The following PLA2G4B variants were observed in gnomAD, a reference collection of about 807,000 sequenced individuals.
PLA2G4B encodes the protein cytosolic phospholipase A2 beta.
PLA2G4B carries 122 observed loss-of-function variants against 95.8 expected under a neutral mutation model. The ratio of observed to expected loss-of-function variants is 1.27; its 90% CI spans 1.10 to 1.48. The LOEUF (loss-of-function observed/expected upper bound fraction) is 1.48, where lower values mean the gene tolerates loss of function less well. PLA2G4B is among the 40% of genes most tolerant of loss of function. The pLI, the probability that PLA2G4B is intolerant of heterozygous loss-of-function variation, is 0.00. For missense variants in PLA2G4B, 1,158 were observed against 996.2 expected (o/e 1.16, Z -2.19); for synonymous variants, 518 against 421.5 (o/e 1.23, Z -2.80).
In PLA2G4B at chr15:41,848,080, C is replaced by CTGTT. The variant is rs906472004; in HGVS notation, c.*222_*225dup. 26 of 624,186 alleles carry CTGTT rather than the reference C, an allele frequency of 4.2e-5. No individual in the cohort carries two copies. The highest frequency in any genetic ancestry group is 1.7e-4 in the African/African-American group (9 of 54,282). The allele number at this position is 624,186 out of a possible 1,614,324, so 38.7% of individuals were successfully genotyped here. On this transcript the variant is annotated 3_prime_UTR_variant, in exon 20 of 20. Transcript: ENST00000458483. ...TCACCCAAAACCCCCCGGCCTGTGC[C>CTGTT]TGTTTTCCCTTCTGCGCTACCTTGA...
intron 2 of PLA2G4B, 68 bp downstream of exon 2, chr15:41,840,298 C>T: frequency 1.3e-6 from 2 of 1,593,954 alleles, no homozygotes; most frequent in Non-Finnish European, 8.5e-7. Context: ...GAGGAGGGTG[C>T]TGTGGCTGGA....
intron 9 of PLA2G4B, 138 bp downstream of exon 9, chr15:41,842,414 C>A: frequency 1.3e-6 from 2 of 1,547,072 alleles, no homozygotes; most frequent in Non-Finnish European, 8.7e-7. Context: ...GGGGAGTGTC[C>A]TCTGAGCATC....
chr15:41,843,218 T>A (rs943874944), intron 10 of PLA2G4B: 1 of 155,840 alleles, frequency 6.4e-6, no homozygotes, highest in Non-Finnish European at 1.4e-5. Context: ...GTAGCTGGGA[T>A]TACAGGTGCC....
At position 41,845,038 on chromosome 15, in the gene PLA2G4B, G is replaced by T; in HGVS notation, c.1207G>T (p.Ala403Ser). 1 of 1,600,146 alleles carries T rather than the reference G, an allele frequency of 6.2e-7. No homozygotes were observed. ...CCCAAGCTGCTTCACCAACCTGTGG[G>T]CCCTCATCAACGAGGCGCTGCTGCA... Reference protein sequence around the residue: ...GYPSCFTNLWALINEALLHDE... With the variant: ...GYPSCFTNLWSLINEALLHDE... Residue 403 changes from alanine to serine, a missense_variant, in exon 13 of 20, where the codon GCC (alanine) becomes TCC (serine). Transcript: ENST00000458483.
chr15:41,844,423 C>T, intron 11 of PLA2G4B, 48 bp from the exon 12 acceptor site: 1 of 1,612,482 alleles, frequency 6.2e-7, no homozygotes, highest in Non-Finnish European at 8.5e-7. Flanking sequence ...GTGACTTGGC[C>T]TTCCCCATCC....
In PLA2G4B at chr15:41,848,136, C is replaced by T. The variant is rs901086682; in HGVS notation, c.*276C>T. The T allele has an allele frequency of 1.2e-5, 7 of 567,688 alleles. No individual in the cohort carries two copies. The highest frequency in any genetic ancestry group is 7.5e-5 in the African/African-American group (4 of 53,174). 35.2% of individuals were successfully genotyped at this position (567,688 alleles called of 1,614,324 possible). On this transcript the variant is annotated 3_prime_UTR_variant, in exon 20 of 20. Coordinates refer to ENST00000458483, the MANE Select transcript of PLA2G4B (RefSeq NM_001114633.2). ...TGGAGCACTTGATACATCACAGACT[C>T]ATACAAATGTGAGGCGCTGAGACCA...
At position 41,847,353 on chromosome 15, in the gene PLA2G4B, G is replaced by A; in HGVS notation, c.1964G>A (p.Gly655Asp). ...GCCCTGCAGCAGTTGCAGCTCCTGG[G>A]CCGGTTCTGCCAGGAGCAGGGGATC... ...HGAFQQLQLLGRFCQEQGIPF... is the reference protein window; with the variant it reads ...HGAFQQLQLLDRFCQEQGIPF... Residue 655 changes from glycine to aspartate, a missense_variant, in exon 19 of 20, where the codon GGC becomes GAC. Gly to Asp is a moderately conservative substitution (Grantham distance 94). Coordinates refer to ENST00000458483, the MANE Select transcript of PLA2G4B (RefSeq NM_001114633.2). 2 of 1,605,586 alleles carry A rather than the reference G, an allele frequency of 1.2e-6. No homozygotes were observed. The highest frequency in any genetic ancestry group is 2.2e-5 in the East Asian group (1 of 44,750).
intron 18 of PLA2G4B, 135 bp downstream of exon 18, chr15:41,846,970 A>G: frequency 8.1e-7 from 1 of 1,235,106 alleles, no homozygotes; most frequent in Non-Finnish European, 1.1e-6. Context: ...TTAATTTGCC[A>G]CCAGAGGAGC....
Position 41,845,707 on chromosome 15 carries a change from T to C in PLA2G4B, c.1427T>C (p.Phe476Ser). ...GGGGCCTTCATCCCCTCTGAGCTCT[T>C]TGGCTCCGAGTTCTTTATGGGGCAG... ...KYGAFIPSEL[F>S]GSEFFMGQLM... The change falls in exon 15 of 20, where the codon TTT becomes TCT. Residue 476 changes from phenylalanine to serine, a missense_variant. Coordinates refer to ENST00000458483, the MANE Select transcript of PLA2G4B (RefSeq NM_001114633.2). 1.9e-6 allele frequency: 3 copies of C among 1,613,398 alleles called. No individual in the cohort carries two copies. Among genetic ancestry groups the C allele is most frequent in the Non-Finnish European group, 2.5e-6 (3 of 1,179,748 alleles).
At position 41,845,974 on chromosome 15, in the gene PLA2G4B, C is replaced by T; in HGVS notation, c.1527C>T (p.Leu509=). Residue 509 remains leucine, a synonymous_variant, in exon 16 of 20, where the codon CTC becomes CTT. Coordinates refer to ENST00000458483, the MANE Select transcript of PLA2G4B (RefSeq NM_001114633.2). The part of the protein sequence containing the change: ...GIWSNLYAAN[L]QDSLYWASEP... ...GGAGCAACCTGTATGCAGCCAACCT[C>T]CAGGACAGCTTATACTGGGCCTCAG... 6.6e-7 allele frequency: 1 copy of T among 1,519,064 alleles called. No individual in the cohort carries two copies. Among genetic ancestry groups the T allele is most frequent in the Non-Finnish European group, 8.8e-7 (1 of 1,134,674 alleles). The allele number at this position is 1,519,064 out of a possible 1,614,324, so 94.1% of individuals were successfully genotyped here.
chr15:41,844,694 G>C, intron 12 of PLA2G4B, 87 bp downstream of exon 12: 2 of 1,600,012 alleles, frequency 1.2e-6, no homozygotes, highest in Non-Finnish European at 1.7e-6. Flanking sequence ...AAAACTAGAA[G>C]GGCTGGGAGA....
In PLA2G4B at chr15:41,840,908, A is replaced by G. The variant is rs774517712; in HGVS notation, c.351+3A>G. 4 of 1,611,946 alleles carry G rather than the reference A, an allele frequency of 2.5e-6. No individual in the cohort carries two copies. Among genetic ancestry groups the G allele is most frequent in the East Asian group, 2.2e-5 (1 of 44,786 alleles). Reference sequence around the variant, plus strand: ...AGAGCTTCTCACTGAGCCCTCAGGCAAGGCGGTGTTTCCACGGCAGCCCTA... The same window carrying G: ...AGAGCTTCTCACTGAGCCCTCAGGCGAGGCGGTGTTTCCACGGCAGCCCTA... On this transcript the variant is annotated splice_donor_region_variant and intron_variant, in intron 4 of 19. Coordinates refer to ENST00000458483, the MANE Select transcript of PLA2G4B (RefSeq NM_001114633.2).
At chr15:41,842,131 G>A (rs377134199) in intron 8 of PLA2G4B, 62 bp from the exon 9 acceptor site, 7 of 1,600,096 alleles carry the variant, frequency 4.4e-6, no homozygotes, top group East Asian at 4.5e-5. Flanking sequence ...GGAGTTTGGT[G>A]AGGTCTTTGC....
chr15:41,846,963 A>G, intron 18 of PLA2G4B, 128 bp downstream of exon 18: 1 of 1,277,640 alleles, frequency 7.8e-7, no homozygotes, highest in Non-Finnish European at 1.0e-6. Context: ...TGGAATCTTA[A>G]TTTGCCACCA....
intron 11 of PLA2G4B, among the ~76,000 whole-genome samples, chr15:41,844,084 T>C (rs1454211706): frequency 6.6e-6 from 1 of 152,172 alleles, no homozygotes; most frequent in Admixed American, 6.5e-5. Flanking sequence ...GAGACAGATA[T>C]CTGGTATGAG....
rs983234298 is a variant in PLA2G4B, at chr15:41,847,192, G to T, written c.1948-145G>T. ...CACCGAGGCCTGTCAGGTGTGGAGA[G>T]TTTTTTTCCAACGACTGGCTTCATA... is the stretch of plus-strand genomic sequence containing the variant. On this transcript the variant is annotated intron_variant, in intron 18 of 19. Coordinates refer to ENST00000458483, the MANE Select transcript of PLA2G4B (RefSeq NM_001114633.2). 24 of 1,310,616 alleles carry T rather than the reference G, an allele frequency of 1.8e-5. No individual in the cohort carries two copies. The African/African-American group carries it at 3.1e-4, about 17-fold the overall frequency. 81.2% of individuals were successfully genotyped at this position (1,310,616 alleles called of 1,614,324 possible).
Position 41,840,184 on chromosome 15 carries a change from C to G in PLA2G4B, c.36C>G (p.Leu12=), listed in dbSNP as rs1233892746. ...CAGAGGTGTCCAGGACCTGCCTGCT[C>G]ACGGTTCGTGTCCTGCAGGCCCATC... ...AVAEVSRTCL[L]TVRVLQAHRL... is the part of the protein sequence containing the mutation. The change falls in exon 2 of 20, where the codon CTC becomes CTG. Residue 12 remains leucine, a synonymous_variant. Coordinates refer to ENST00000458483, the MANE Select transcript of PLA2G4B (RefSeq NM_001114633.2). 6 of 1,613,326 alleles carry G rather than the reference C, an allele frequency of 3.7e-6. No homozygotes were observed. Among genetic ancestry groups the G allele is most frequent in the African/African-American group, 2.7e-5 (2 of 75,044 alleles).
Position 41,841,094 on chromosome 15 carries a change from C to T in PLA2G4B, c.391C>T (p.Leu131=). 6.3e-7 allele frequency: 1 copy of T among 1,599,060 alleles called. No individual in the cohort carries two copies. The highest frequency in any genetic ancestry group is 8.5e-7 in the Non-Finnish European group (1 of 1,169,802). Residue 131 remains leucine (L), a splice_region_variant and synonymous_variant, in exon 5 of 20, where the codon CTG becomes TTG. Transcript: ENST00000458483. ...GGAAGTTGAATTTCGCCTGCAGAGTCTGTGAGTCAGGGGCCTGGGGCAGTT... is the reference window on the plus strand; with the variant it reads ...GGAAGTTGAATTTCGCCTGCAGAGTTTGTGAGTCAGGGGCCTGGGGCAGTT... ...RLEVEFRLQS[L]ADRGEWLVSN...
rs2065601989 is a variant in PLA2G4B at position 41,847,829 on chromosome 15, TGCAGCGGAGGCGGCAGC to T, written c.2320_2336del (p.Arg774AlafsTer20). 1.2e-6 allele frequency: 2 copies of T among 1,613,124 alleles called. No homozygotes were observed. Among genetic ancestry groups the T allele is most frequent in the Non-Finnish European group, 8.5e-7 (1 of 1,180,020 alleles). On this transcript the variant is annotated frameshift_variant, in exon 20 of 20. Transcript: ENST00000458483. LOFTEE classifies it high-confidence loss of function. ...CTGCTGGAGGCTCTGCGCCAGGCAG[TGCAGCGGAGGCGGCAGC>T]GCAGGCCCCACTGATGGCCGGGGCC... is the stretch of plus-strand genomic sequence containing the variant.
Sources: gnomAD v4.1 joint callset for allele counts (sites outside exome capture counted in the v4.1 genomes callset) on GRCh38, gnomAD v4.1.1 for gene constraint, MANE v1.5 for transcripts, NCBI Gene and HGNC (gene_info 2026-07-23, HGNC 2026-07-21) for gene names.